Variants in SMARCA2 observed in about 807,000 individuals in gnomAD.
SMARCA2 encodes SWI/SNF-related matrix-associated actin-dependent regulator of chromatin subfamily A member 2.
A neutral mutation model predicts 199.8 loss-of-function variants in SMARCA2; 61 were observed. The ratio of observed to expected loss-of-function variants is 0.31; its 90% CI spans 0.25 to 0.38. The LOEUF is 0.38. SMARCA2 is among the 10% of genes least tolerant of loss of function. The probability of loss-of-function intolerance (pLI) is 1.00; values close to 1 mark genes in which losing one functional copy is unlikely to be tolerated. For synonymous variants in SMARCA2, 935 were observed against 732.0 expected, an observed-to-expected ratio of 1.28 and a Z score of -4.48; for missense variants, 1,344 against 2,012.2, an observed-to-expected ratio of 0.67 and a Z score of 6.35.
intron 27 of SMARCA2, among the ~76,000 whole-genome samples, chr9:2,140,168 C>G (rs771387744): frequency 6.6e-6 from 1 of 152,224 alleles, no homozygotes; most frequent in Non-Finnish European, 1.5e-5. Context: ...GTCACCTACT[C>G]TGGTCCCATT....
rs1482147918 is a variant in SMARCA2 at position 2,029,098 on chromosome 9, A to G, written c.76A>G (p.Ile26Val). Residue 26 changes from isoleucine to valine, a missense_variant, in exon 2 of 34, where the codon ATT (isoleucine) becomes GTT (valine). Coordinates refer to ENST00000349721, the MANE Select transcript of SMARCA2 (RefSeq NM_003070.5). ...GGGGCCTGGGCCTTCCCCTGGGCCA[A>G]TTCTTGGGCCTAGTCCAGGACCAGG... ...SPGPGPSPGPILGPSPGPGPS... is the reference protein window; with the variant it reads ...SPGPGPSPGPVLGPSPGPGPS... The G allele has an allele frequency of 1.3e-6, 2 of 1,591,790 alleles. No homozygotes were observed. Among genetic ancestry groups the G allele is most frequent in the South Asian group, 2.3e-5 (2 of 88,192 alleles).
At chr9:2,183,944 C>T (rs1421222275) in intron 31 of SMARCA2, among the ~76,000 whole-genome samples, 1 of 152,170 alleles carries the variant, frequency 6.6e-6, no homozygotes, top group African/African-American at 2.4e-5. Flanking sequence ...TGTTTTCACT[C>T]TGACTGTCTC....
intron 5 of SMARCA2, among the ~76,000 whole-genome samples, chr9:2,050,813 C>T (rs1045318271): frequency 8.5e-5 from 13 of 152,168 alleles, no homozygotes; most frequent in African/African-American, 2.9e-4. Context: ...AACTCTCCTA[C>T]AGGAATCATA....
At chr9:2,022,985 G>C (rs1818670958) in intron 1 of SMARCA2, among the ~76,000 whole-genome samples, 1 of 152,116 alleles carries the variant, frequency 6.6e-6, no homozygotes, top group African/African-American at 2.4e-5. Context: ...AGGATGCTTT[G>C]CTCTAAAGGG....
At chr9:2,134,467 C>G (rs1375528136) in intron 27 of SMARCA2, among the ~76,000 whole-genome samples, 1 of 152,208 alleles carries the variant, frequency 6.6e-6, no homozygotes, top group Non-Finnish European at 1.5e-5. Flanking sequence ...TCTCTTTCCC[C>G]TGACTTTCTA....
chr9:2,153,747 A>G (rs1310859628), intron 27 of SMARCA2, among the ~76,000 whole-genome samples: 1 of 152,198 alleles, frequency 6.6e-6, no homozygotes, highest in East Asian at 1.9e-4. Context: ...ATTGACTATT[A>G]AAATGACTTG....
chr9:2,134,623 T>C (rs1824114647), intron 27 of SMARCA2, among the ~76,000 whole-genome samples: 1 of 152,326 alleles, frequency 6.6e-6, no homozygotes, highest in East Asian at 1.9e-4. Context: ...ACCAGATAAA[T>C]ATGTGATCTT....
Position 2,186,137 on chromosome 9 carries a change from T to C in SMARCA2, c.4503T>C (p.Ser1501=). 6.2e-7 allele frequency: 1 copy of C among 1,613,884 alleles called. No homozygotes were observed. Among genetic ancestry groups the C allele is most frequent in the East Asian group, 2.2e-5 (1 of 44,868 alleles). ...DSIVLQSVFK[S]ARQKIAKEEE... ...TCGTCTTACAGTCAGTGTTTAAGAG[T>C]GCCCGGCAGAAAATTGCCAAAGAGG... The change falls in exon 32 of 34, where the codon AGT becomes AGC. Residue 1501 remains serine, a synonymous_variant. Coordinates refer to ENST00000349721, the MANE Select transcript of SMARCA2 (RefSeq NM_003070.5).
At chr9:2,150,516 C>G (rs985989469) in intron 27 of SMARCA2, among the ~76,000 whole-genome samples, 1 of 151,546 alleles carries the variant, frequency 6.6e-6, no homozygotes, top group Non-Finnish European at 1.5e-5. Context: ...GGCAGTTTCC[C>G]TTAGATTATA....
At chr9:2,136,644 A>T (rs1824208872) in intron 27 of SMARCA2, among the ~76,000 whole-genome samples, 1 of 152,136 alleles carries the variant, frequency 6.6e-6, no homozygotes, top group South Asian at 2.1e-4. Context: ...TGGATTCCTT[A>T]CAGTCATGGC....
At chr9:2,089,641 G>A (rs1033813483) in intron 19 of SMARCA2, among the ~76,000 whole-genome samples, 5 of 152,160 alleles carry the variant, frequency 3.3e-5, no homozygotes, top group African/African-American at 1.2e-4. Context: ...GAAAGTCTAC[G>A]TATTTAAGTA....
In SMARCA2 at chr9:2,056,907, A is replaced by T; in HGVS notation, c.1347+62A>T. On this transcript the variant is annotated intron_variant, in intron 7 of 33. Transcript: ENST00000349721. The surrounding 1 kb of genome is among the most constrained non-coding windows in gnomAD (Gnocchi z 4.0). ...GCAGAGCTGTCCAATGAATTCATCA[A>T]ATGGGGTCAGAATGACTGAAAAATG... 1 of 1,485,478 alleles carries T rather than the reference A, an allele frequency of 6.7e-7. No homozygotes were observed. Among genetic ancestry groups the T allele is most frequent in the South Asian group, 1.2e-5 (1 of 81,936 alleles). 92.0% of individuals were successfully genotyped at this position (1,485,478 alleles called of 1,614,324 possible).
At chr9:2,186,012 T>A in intron 31 of SMARCA2, 84 bp from the exon 32 acceptor site, 1 of 1,288,884 alleles carries the variant, frequency 7.8e-7, no homozygotes, top group Non-Finnish European at 1.1e-6. Context: ...TCATGTGAAT[T>A]AAGCTGGTGT....
chr9:2,136,515 T>G (rs1824204764), intron 27 of SMARCA2, among the ~76,000 whole-genome samples: 1 of 152,160 alleles, frequency 6.6e-6, no homozygotes. Flanking sequence ...CTTACATAAA[T>G]GTACTGTGAG....
At chr9:2,149,383 G>A (rs1824937973) in intron 27 of SMARCA2, among the ~76,000 whole-genome samples, 1 of 151,260 alleles carries the variant, frequency 6.6e-6, no homozygotes, top group African/African-American at 2.4e-5. Context: ...AGCCAGGCAT[G>A]ATGGTGGGTG....
intron 27 of SMARCA2, among the ~76,000 whole-genome samples, chr9:2,150,919 C>T (rs1825031934): frequency 6.6e-6 from 1 of 151,470 alleles, no homozygotes; most frequent in Non-Finnish European, 1.5e-5. Context: ...AGAAAGACAG[C>T]AGTCATATAG....
chr9:2,035,905 G>A (rs1013525361), intron 3 of SMARCA2, among the ~76,000 whole-genome samples: 25 of 152,160 alleles, frequency 1.6e-4, no homozygotes, highest in Non-Finnish European at 3.4e-4. Context: ...AAAGAATTTA[G>A]ACTTGGTAAT....
chr9:2,016,057 G>T lies in SMARCA2; in HGVS notation c.-37+653G>T, dbSNP rs1423176157. 1 of 152,326 alleles carries T rather than the reference G, an allele frequency of 6.6e-6. No homozygotes were observed. Among genetic ancestry groups the T allele is most frequent in the Non-Finnish European group, 1.5e-5 (1 of 68,138 alleles). The allele number at this position is 152,326 out of a possible 1,614,324, so 9.4% of individuals were successfully genotyped here. ...CGCTTCCCAGGGACTTGTTCAAAGGGCTCCGGCTGCGGAGACGTGAGCGGA... is the reference window on the plus strand; with the variant it reads ...CGCTTCCCAGGGACTTGTTCAAAGGTCTCCGGCTGCGGAGACGTGAGCGGA... On this transcript the variant is annotated intron_variant, in intron 1 of 33. Transcript: ENST00000349721. The surrounding 1 kb of genome is among the most constrained non-coding windows in gnomAD (Gnocchi z 5.6).
intron 15 of SMARCA2, among the ~76,000 whole-genome samples, 193 bp downstream of exon 15, chr9:2,082,188 A>G (rs912364469): frequency 2.0e-5 from 3 of 152,060 alleles, no homozygotes; most frequent in African/African-American, 7.2e-5. Flanking sequence ...TTGATTGGCT[A>G]TTTAAGCACG....
Sources: gnomAD v4.1 joint callset for allele counts (sites outside exome capture counted in the v4.1 genomes callset) on GRCh38, gnomAD v4.1.1 for gene constraint, Gnocchi (gnomAD v3.1) non-coding constraint, MANE v1.5 for transcripts, NCBI Gene and HGNC (gene_info 2026-07-23, HGNC 2026-07-21) for gene names.